The following ZNF574 variants were observed in gnomAD, a reference collection of about 807,000 sequenced individuals.
ZNF574 encodes the protein zinc finger protein 574.
Under a neutral mutation model 56.6 loss-of-function variants are expected in ZNF574, and 25 were observed. The ratio of observed to expected loss-of-function variants is 0.44; its 90% CI spans 0.32 to 0.62. The LOEUF is 0.62. ZNF574 is among the 20% of genes least tolerant of loss of function. ZNF574 has a pLI of 0.04. For synonymous variants in ZNF574, 543 were observed against 492.1 expected (o/e 1.10, Z -1.37); for missense variants, 1,065 against 1,218.9 (o/e 0.87, Z 1.88).
At position 42,080,042 on chromosome 19, in the gene ZNF574, T is replaced by C. The variant is rs369248560; in HGVS notation, c.1436T>C (p.Leu479Ser). The C allele has an allele frequency of 1.9e-6, 3 of 1,614,128 alleles. No homozygotes were observed. The highest frequency in any genetic ancestry group is 2.5e-6 in the Non-Finnish European group (3 of 1,180,028). The change falls in exon 2 of 2, where the codon TTG becomes TCG. Residue 479 changes from leucine to serine, a missense_variant. By Grantham distance (145) the Leu-to-Ser change is moderately radical. Transcript: ENST00000359044. This position sits in a 1 kb window ranked among gnomAD's most constrained non-coding sequence, Gnocchi z 8.5. ...TGCAGCCGTGAATTTGGAAAGGCCT[T>C]GCAGCTGACCCGGCACCAACGTTTT... ...LLCSREFGKA[L>S]QLTRHQRFVH...
rs778281016 is a variant in ZNF574, at chr19:42,081,183, G to T, written c.2577G>T (p.Ala859=). 1 of 1,614,048 alleles carries T rather than the reference G, an allele frequency of 6.2e-7. No homozygotes were observed. The highest frequency in any genetic ancestry group is 1.7e-5 in the Admixed American group (1 of 60,032). ...QAAVRQQLAE[A]EAAVGLAVME... ...CTGTGCGGCAGCAGCTGGCAGAGGC[G>T]GAGGCTGCCGTTGGCCTGGCCGTCA... Residue 859 remains alanine (A), a synonymous_variant, in exon 2 of 2, where the codon GCG becomes GCT. Coordinates refer to ENST00000359044, the MANE Select transcript of ZNF574 (RefSeq NM_022752.6).
At chr19:42,077,265 G>A (rs1444647513) in intron 1 of ZNF574, among the ~76,000 whole-genome samples, 5 of 152,064 alleles carry the variant, frequency 3.3e-5, no homozygotes, top group Non-Finnish European at 1.5e-5. Flanking sequence ...TAGGAGGTCC[G>A]GGTATCCCTA....
intron 1 of ZNF574, chr19:42,069,157 G>A (rs1315845819): frequency 7.5e-6 from 3 of 398,292 alleles, no homozygotes; most frequent in Non-Finnish European, 1.3e-5. Flanking sequence ...CGGGGAGAAT[G>A]TGGTGCCCCC....
intron 1 of ZNF574, among the ~76,000 whole-genome samples, chr19:42,077,376 C>T (rs1415229692): frequency 6.6e-6 from 1 of 151,938 alleles, no homozygotes; most frequent in East Asian, 1.9e-4. Flanking sequence ...AGTTATGTTG[C>T]TACGAAGAGG....
intron 1 of ZNF574, among the ~76,000 whole-genome samples, chr19:42,077,578 G>C (rs1024263032): frequency 3.3e-5 from 5 of 152,084 alleles, no homozygotes; most frequent in African/African-American, 1.2e-4. Flanking sequence ...GGCTGTGTAT[G>C]AACAGGAAGG....
At position 42,081,400 on chromosome 19, in the gene ZNF574, C is replaced by T; in HGVS notation, c.*103C>T. On this transcript the variant is annotated 3_prime_UTR_variant, in exon 2 of 2. Coordinates refer to ENST00000359044, the MANE Select transcript of ZNF574 (RefSeq NM_022752.6). ...TACTGTGTCCCTTCCTCTTCCCATC[C>T]CCACCACCTTGTAAGTTCTAAATTG... is the stretch of plus-strand genomic sequence containing the variant. 1.4e-6 allele frequency: 2 copies of T among 1,436,970 alleles called. No individual in the cohort carries two copies. Among genetic ancestry groups the T allele is most frequent in the East Asian group, 2.3e-5 (1 of 43,424 alleles). The allele number at this position is 1,436,970 out of a possible 1,614,324, so 89.0% of individuals were successfully genotyped here.
chr19:42,072,004 C>CA (rs1296465841), upstream of ZNF574, among the ~76,000 whole-genome samples: 63 of 140,740 alleles, frequency 4.5e-4, no homozygotes, highest in South Asian at 7.0e-4. Context: ...ACTCCATCTC[C>CA]AAAAAAAAAA....
chr19:42,073,586 C>G (rs968368201), upstream of ZNF574, among the ~76,000 whole-genome samples: 1 of 150,254 alleles, frequency 6.7e-6, no homozygotes, highest in Non-Finnish European at 1.5e-5. Flanking sequence ...TTTGGGAGGT[C>G]AAGGTAGATG....
chr19:42,068,812 A>G (rs1438641854), exon 1 of ZNF574: 1 of 621,406 alleles, frequency 1.6e-6, no homozygotes, highest in Non-Finnish European at 2.9e-6. Flanking sequence ...GCGGAAAGAC[A>G]TATCCAGGAG....
At position 42,079,373 on chromosome 19, in the gene ZNF574, C is replaced by T. The variant is rs752819631; in HGVS notation, c.767C>T (p.Ser256Leu). 2 of 1,613,506 alleles carry T rather than the reference C, an allele frequency of 1.2e-6. No individual in the cohort carries two copies. The highest frequency in any genetic ancestry group is 1.1e-5 in the South Asian group (1 of 91,090). ...GCCTTACAGCAGGAGGTGCAGGCCTCGTCACCTGCAGAGGTGCCTGTGTCT... is the reference window on the plus strand; with the variant it reads ...GCCTTACAGCAGGAGGTGCAGGCCTTGTCACCTGCAGAGGTGCCTGTGTCT... ...EPALQQEVQA[S>L]SPAEVPVSQP... The change falls in exon 2 of 2, where the codon TCG becomes TTG. Residue 256 changes from serine to leucine, a missense_variant. Physicochemically the swap from Ser to Leu is moderately radical, Grantham distance 145. Coordinates refer to ENST00000359044, the MANE Select transcript of ZNF574 (RefSeq NM_022752.6). This position sits in a 1 kb window ranked among gnomAD's most constrained non-coding sequence, Gnocchi z 4.3.
chr19:42,080,974 G>A lies in ZNF574; in HGVS notation c.2368G>A (p.Gly790Ser). 1 of 1,614,212 alleles carries A rather than the reference G, an allele frequency of 6.2e-7. No homozygotes were observed. The highest frequency in any genetic ancestry group is 2.2e-5 in the East Asian group (1 of 44,892). ...HLKDHRRLHT[G>S]ERPFACEVCG... ...GAAAGACCACCGGCGCCTGCACACA[G>A]GTGAGCGGCCCTTTGCCTGTGAAGT... Residue 790 changes from glycine to serine, a missense_variant, in exon 2 of 2, where the codon GGT becomes AGT. Coordinates refer to ENST00000359044, the MANE Select transcript of ZNF574 (RefSeq NM_022752.6). This position sits in a 1 kb window ranked among gnomAD's most constrained non-coding sequence, Gnocchi z 8.5.
chr19:42,068,765 G>A (rs2076378121), exon 1 of ZNF574: 3 of 528,614 alleles, frequency 5.7e-6, no homozygotes, highest in Non-Finnish European at 1.0e-5. Flanking sequence ...CAGAGTCAGA[G>A]AGGGGCCCAA....
chr19:42,076,486 G>T (rs1332137617), intron 1 of ZNF574, among the ~76,000 whole-genome samples, 200 bp downstream of exon 1: 1 of 151,600 alleles, frequency 6.6e-6, no homozygotes, highest in Non-Finnish European at 1.5e-5. Flanking sequence ...AAGGGGCCTG[G>T]AGTCGCGTGC....
In ZNF574 at chr19:42,081,262, C is replaced by T. The variant is rs757942154; in HGVS notation, c.2656C>T (p.Leu886=). The change falls in exon 2 of 2, where the codon CTG becomes TTG. Residue 886 remains leucine (L), a synonymous_variant. Coordinates refer to ENST00000359044, the MANE Select transcript of ZNF574 (RefSeq NM_022752.6). ...GGTGGAAGCCATTGAGATCTACCCT[C>T]TGGCCGAGGCTGAGGGGGTCCAGAT... ...PLVEAIEIYP[L]AEAEGVQISG The T allele has an allele frequency of 3.7e-6, 6 of 1,614,146 alleles. No individual in the cohort carries two copies. Among genetic ancestry groups the T allele is most frequent in the Middle Eastern group, 1.6e-4 (1 of 6,062 alleles).
At chr19:42,068,876 G>A in exon 1 of ZNF574, 1 of 685,320 alleles carries the variant, frequency 1.5e-6, no homozygotes, top group Non-Finnish European at 2.7e-6. Flanking sequence ...GGCAGAGGAT[G>A]AGGCTCAGAG....
At chr19:42,077,920 TTGAC>T (rs1159323503) in intron 1 of ZNF574, among the ~76,000 whole-genome samples, 3 of 151,662 alleles carry the variant, frequency 2.0e-5, no homozygotes, top group East Asian at 1.9e-4. Flanking sequence ...GTGAGAAAAT[TTGAC>T]TGGGGGGAAG....
upstream of ZNF574, among the ~76,000 whole-genome samples, chr19:42,075,556 T>A (rs1012344210): frequency 6.6e-6 from 1 of 152,208 alleles, no homozygotes; most frequent in East Asian, 1.9e-4. Flanking sequence ...TTCATTCCCC[T>A]CCTTTTAATA....
At position 42,079,270 on chromosome 19, in the gene ZNF574, C is replaced by G. The variant is rs1294642023; in HGVS notation, c.664C>G (p.Leu222Val). Reference protein sequence around the residue: ...LLYKCSECSQLFQLPADFLEH... With the variant: ...LLYKCSECSQVFQLPADFLEH... ...CTACAAGTGCTCTGAGTGCTCCCAGCTCTTCCAGCTGCCGGCGGATTTCCT... is the reference window on the plus strand; with the variant it reads ...CTACAAGTGCTCTGAGTGCTCCCAGGTCTTCCAGCTGCCGGCGGATTTCCT... The change falls in exon 2 of 2, where the codon CTC (leucine) becomes GTC (valine). Residue 222 changes from leucine to valine, a missense_variant. Coordinates refer to ENST00000359044, the MANE Select transcript of ZNF574 (RefSeq NM_022752.6). The surrounding 1 kb of genome is among the most constrained non-coding windows in gnomAD (Gnocchi z 4.3). 1 of 1,614,144 alleles carries G rather than the reference C, an allele frequency of 6.2e-7. No homozygotes were observed. The highest frequency in any genetic ancestry group is 8.5e-7 in the Non-Finnish European group (1 of 1,180,020).
At position 42,078,920 on chromosome 19, in the gene ZNF574, A is replaced by G. The variant is rs748031162; in HGVS notation, c.314A>G (p.Gln105Arg). Reference protein sequence around the residue: ...QELHLKMMAPQEAVPAEPSPK... With the variant: ...QELHLKMMAPREAVPAEPSPK... Reference sequence around the variant, plus strand: ...CTGCACCTGAAGATGATGGCACCCCAGGAGGCAGTGCCAGCTGAGCCATCA... The same window carrying G: ...CTGCACCTGAAGATGATGGCACCCCGGGAGGCAGTGCCAGCTGAGCCATCA... The change falls in exon 2 of 2, where the codon CAG becomes CGG. Residue 105 changes from glutamine (Q) to arginine (R), a missense_variant. Coordinates refer to ENST00000359044, the MANE Select transcript of ZNF574 (RefSeq NM_022752.6). The G allele has an allele frequency of 9.9e-6, 16 of 1,614,072 alleles. No homozygotes were observed. In the South Asian group the frequency reaches 1.6e-4, roughly 17 times the overall value.
Sources: allele counts gnomAD v4.1 joint callset (sites outside exome capture counted in the v4.1 genomes callset), GRCh38; gene constraint gnomAD v4.1.1; non-coding constraint Gnocchi (gnomAD v3.1); transcripts MANE v1.5; gene names NCBI Gene and HGNC (gene_info 2026-07-23, HGNC 2026-07-21).